NSUN6: variants seen among roughly 807,000 people sequenced by gnomAD.
NSUN6 encodes the protein tRNA (cytosine(72)-C(5))-methyltransferase NSUN6.
A neutral mutation model predicts 58.0 loss-of-function variants in NSUN6; 64 were observed. The ratio of observed to expected loss-of-function variants is 1.10; its 90% confidence interval spans 0.90 to 1.36. The LOEUF (loss-of-function observed/expected upper bound fraction) is 1.36, where lower values mean the gene tolerates loss of function less well. NSUN6 is among the 40% of genes most tolerant of loss of function. The pLI, the probability that NSUN6 is intolerant of heterozygous loss-of-function variation, is 0.00. For synonymous variants in NSUN6, 231 were observed against 193.9 expected (o/e 1.19, Z -1.59); for missense variants, 701 against 550.1 (o/e 1.27, Z -2.74).
chr10:18,640,842 A>T (rs2059369387), intron 3 of NSUN6, among the ~76,000 whole-genome samples: 1 of 151,982 alleles, frequency 6.6e-6, no homozygotes. Flanking sequence ...TTAATTGCAA[A>T]AATACATTCT....
At position 18,625,181 on chromosome 10, in the gene NSUN6, G is replaced by A. The variant is rs148708224; in HGVS notation, c.312-8888C>T. ...TGGTTTTGCTTCTGTATGCTTTCAT[G>A]TAATAAACCATAGCCATTGGTGTGA... On this transcript the variant is annotated intron_variant, in intron 3 of 10. Coordinates refer to ENST00000377304, the MANE Select transcript of NSUN6 (RefSeq NM_182543.5). Among the ~76,000 whole-genome samples, 178 of 152,232 alleles carry A rather than the reference G, an allele frequency of 1.2e-3. 1 individual carries two copies. The highest frequency in any genetic ancestry group is 2.0e-3 in the Non-Finnish European group (137 of 68,018).
intron 3 of NSUN6, among the ~76,000 whole-genome samples, chr10:18,624,483 G>A (rs2058717338): frequency 6.6e-6 from 1 of 150,972 alleles, no homozygotes; most frequent in Non-Finnish European, 1.5e-5. Flanking sequence ...AGACCATCCT[G>A]GCTAAAAAAA....
chr10:18,575,031 A>G (rs1206386669), intron 8 of NSUN6, among the ~76,000 whole-genome samples: 2 of 152,146 alleles, frequency 1.3e-5, no homozygotes, highest in African/African-American at 4.8e-5. Context: ...ATCAAAAAGG[A>G]AAAACTAATA....
At chr10:18,568,020 C>CCATTG (rs1564732507) in intron 8 of NSUN6, among the ~76,000 whole-genome samples, 2 of 150,880 alleles carry the variant, frequency 1.3e-5, no homozygotes, top group East Asian at 3.9e-4. Context: ...CCACTGCATG[C>CCATTG]CATTCTATTC....
At chr10:18,596,876 A>T (rs1419209134) in intron 6 of NSUN6, among the ~76,000 whole-genome samples, 1 of 152,194 alleles carries the variant, frequency 6.6e-6, no homozygotes, top group Non-Finnish European at 1.5e-5. Context: ...GAACACATAA[A>T]TATTAAATAA....
At chr10:18,657,810 C>T (rs917042944), upstream of NSUN6, among the ~76,000 whole-genome samples, 1 of 151,994 alleles carries the variant, frequency 6.6e-6, no homozygotes, top group Non-Finnish European at 1.5e-5. Context: ...GACAGGGTTT[C>T]ACCATGTTGG....
rs75385946 is a variant in NSUN6 at position 18,642,618 on chromosome 10, C to G, written c.232-63G>C. ...ATTTGATACATTTCAACTTATGGAA[C>G]TTTTCAGTATCATCATCTACCACAG... On this transcript the variant is annotated intron_variant, in intron 2 of 10. Coordinates refer to ENST00000377304, the MANE Select transcript of NSUN6 (RefSeq NM_182543.5). 7.1e-3 allele frequency: 5,778 copies of G among 813,738 alleles called. 118 individuals carry two copies. Among genetic ancestry groups the G allele is most frequent in the African/African-American group, 0.037 (2,148 of 58,342 alleles). The allele number at this position is 813,738 out of a possible 1,614,324, so 50.4% of individuals were successfully genotyped here. A position where few individuals can be genotyped will look rare whatever the true frequency, so the allele number is the denominator to read the frequency against.
intron 3 of NSUN6, among the ~76,000 whole-genome samples, chr10:18,621,347 T>C (rs2058600062): frequency 6.6e-6 from 1 of 152,204 alleles, no homozygotes; most frequent in Non-Finnish European, 1.5e-5. Flanking sequence ...ATTCTTTCAC[T>C]GTAACAAATC....
At chr10:18,652,189 C>G (rs947766808), upstream of NSUN6, 2 of 984,958 alleles carry the variant, frequency 2.0e-6, no homozygotes, top group African/African-American at 3.5e-5. Context: ...TTGACATATT[C>G]TTTAGAGTTT....
At chr10:18,656,414 G>A (rs1285907132), upstream of NSUN6, among the ~76,000 whole-genome samples, 1 of 152,162 alleles carries the variant, frequency 6.6e-6, no homozygotes, top group Non-Finnish European at 1.5e-5. Context: ...GTGCATGCCT[G>A]TAATCCCAGC....
At chr10:18,578,728 A>G (rs560336048) in intron 8 of NSUN6, among the ~76,000 whole-genome samples, 1 of 152,274 alleles carries the variant, frequency 6.6e-6, no homozygotes, top group South Asian at 2.1e-4. Flanking sequence ...CACAGCTCAC[A>G]ACAGTTCCTT....
chr10:18,652,877 G>C, upstream of NSUN6: 1 of 983,636 alleles, frequency 1.0e-6, no homozygotes, highest in South Asian at 4.7e-5. Flanking sequence ...CTGTTTTAAA[G>C]AGTAAATCAA....
intron 7 of NSUN6, among the ~76,000 whole-genome samples, chr10:18,592,717 G>T (rs962416285): frequency 3.3e-5 from 5 of 152,038 alleles, no homozygotes; most frequent in African/African-American, 4.8e-5. Context: ...ACTCAAGATG[G>T]ATTAAAAACT....
At chr10:18,551,746 T>G in intron 9 of NSUN6, 77 bp downstream of exon 9, 36 of 1,251,068 alleles carry the variant, frequency 2.9e-5, no homozygotes, top group Non-Finnish European at 3.7e-5. Flanking sequence ...AACGCTGCTA[T>G]GGAGATTGCT....
At chr10:18,560,927 T>C (rs1005446908) in intron 8 of NSUN6, among the ~76,000 whole-genome samples, 4 of 145,436 alleles carry the variant, frequency 2.8e-5, no homozygotes, top group African/African-American at 5.1e-5. Context: ...GAATGGAGCA[T>C]AGAATGGAAT....
At position 18,596,285 on chromosome 10, in the gene NSUN6, G is replaced by A. The variant is rs1180273323; in HGVS notation, c.700C>T (p.Pro234Ser). 5 of 1,598,724 alleles carry A rather than the reference G, an allele frequency of 3.1e-6. No individual in the cohort carries two copies. The African/African-American group carries it at 6.7e-5, about 21-fold the overall frequency. ...ALVSHVLNPQ[P>S]GEKILDLCAA... ...CACAAGTCTAGAATCTTCTCTCCAG[G>A]TTGAGGATTTAGTACATGACTTACT... The change falls in exon 7 of 11, where the codon CCT becomes TCT. Residue 234 changes from proline to serine, a missense_variant. Transcript: ENST00000377304.
At chr10:18,588,062 C>A (rs1193564863) in intron 7 of NSUN6, among the ~76,000 whole-genome samples, 1 of 152,194 alleles carries the variant, frequency 6.6e-6, no homozygotes, top group Non-Finnish European at 1.5e-5. Flanking sequence ...AGTCTGGAGT[C>A]AACGTGGGAT....
chr10:18,567,086 T>A (rs921450510), intron 8 of NSUN6, among the ~76,000 whole-genome samples: 2 of 151,022 alleles, frequency 1.3e-5, no homozygotes, highest in Admixed American at 1.3e-4. Context: ...TTCCATTCCA[T>A]TTTCCATACC....
At chr10:18,623,282 T>C (rs1048183522) in intron 3 of NSUN6, among the ~76,000 whole-genome samples, 9 of 152,210 alleles carry the variant, frequency 5.9e-5, no homozygotes, top group South Asian at 2.1e-4. Flanking sequence ...AACTGTGATA[T>C]TGAGCTTCTA....
Sources: allele counts gnomAD v4.1 joint callset (sites outside exome capture counted in the v4.1 genomes callset), GRCh38; gene constraint gnomAD v4.1.1; transcripts MANE v1.5; gene names NCBI Gene and HGNC (gene_info 2026-07-23, HGNC 2026-07-21).